KCNN2: variants seen among roughly 807,000 people sequenced by gnomAD.
The protein encoded by KCNN2 is small conductance calcium-activated potassium channel protein 2.
A neutral mutation model predicts 55.5 loss-of-function variants in KCNN2; 24 were observed. The observed-to-expected ratio is 0.43, with a 90% confidence interval of 0.31 to 0.61. The LOEUF (loss-of-function observed/expected upper bound fraction) is 0.61. KCNN2 is among the 20% of genes least tolerant of loss of function. KCNN2 has a pLI of 0.08. For synonymous variants in KCNN2, 431 were observed against 336.1 expected, an observed-to-expected ratio of 1.28 and a Z score of -3.09; for missense variants, 754 against 853.6, an observed-to-expected ratio of 0.88 and a Z score of 1.45.
intron 2 of KCNN2, among the ~76,000 whole-genome samples, chr5:114,396,924 G>A (rs959776354): frequency 2.6e-5 from 4 of 151,972 alleles, no homozygotes; most frequent in Admixed American, 1.3e-4. Context: ...CCTTCTTTGC[G>A]TCCATGTGTA....
intron 1 of KCNN2, among the ~76,000 whole-genome samples, chr5:114,077,777 A>G (rs928583789): frequency 6.6e-6 from 1 of 152,158 alleles, no homozygotes; most frequent in African/African-American, 2.4e-5. Context: ...GTGTTTGAAA[A>G]TTGGAGAACA....
intron 2 of KCNN2, among the ~76,000 whole-genome samples, chr5:114,273,634 G>C (rs919531917): frequency 6.6e-6 from 1 of 152,124 alleles, no homozygotes; most frequent in African/African-American, 2.4e-5. Context: ...ATGTCTGTTG[G>C]CTGCACAGAT....
chr5:114,488,891 T>G (rs902294679), intron 6 of KCNN2: 2 of 152,142 alleles, frequency 1.3e-5, no homozygotes, highest in Non-Finnish European at 2.9e-5. Flanking sequence ...CTTACCTTGG[T>G]GCATGTGAGA....
chr5:114,436,651 C>T (rs1197393698), intron 3 of KCNN2, among the ~76,000 whole-genome samples: 1 of 152,066 alleles, frequency 6.6e-6, no homozygotes, highest in East Asian at 1.9e-4. Context: ...ATAACATTGA[C>T]ATTTAATGAA....
chr5:114,387,533 T>TA (rs70976342), intron 2 of KCNN2, among the ~76,000 whole-genome samples: 49 of 151,726 alleles, frequency 3.2e-4, no homozygotes, highest in Non-Finnish European at 5.6e-4. Flanking sequence ...TAAAAACTGC[T>TA]AAAAAAAAAT....
chr5:114,083,078 A>G (rs1750859942), intron 1 of KCNN2, among the ~76,000 whole-genome samples: 1 of 152,158 alleles, frequency 6.6e-6, no homozygotes, highest in African/African-American at 2.4e-5. Flanking sequence ...TATGTATTTT[A>G]CCACAATATA....
At chr5:114,073,709 C>G (rs1394658662) in intron 1 of KCNN2, among the ~76,000 whole-genome samples, 2 of 152,180 alleles carry the variant, frequency 1.3e-5, no homozygotes, top group Non-Finnish European at 2.9e-5. Context: ...TGGTCCTAAG[C>G]TCAGTTCATT....
intron 2 of KCNN2, among the ~76,000 whole-genome samples, chr5:114,286,151 T>C (rs1056380898): frequency 5.9e-5 from 9 of 152,160 alleles, no homozygotes; most frequent in Non-Finnish European, 1.3e-4. Flanking sequence ...AACGTCCTAG[T>C]CTCCTTCCTA....
At chr5:114,089,084 A>C (rs1038796994) in intron 1 of KCNN2, among the ~76,000 whole-genome samples, 1 of 142,754 alleles carries the variant, frequency 7.0e-6, no homozygotes, top group Admixed American at 7.2e-5. Flanking sequence ...TATTGACTGA[A>C]ATTTCTGTCA....
intron 1 of KCNN2, among the ~76,000 whole-genome samples, chr5:114,221,375 G>A (rs920578336): frequency 6.6e-6 from 1 of 152,142 alleles, no homozygotes; most frequent in Non-Finnish European, 1.5e-5. Context: ...ATTTTTAAAT[G>A]CCAAGGAAAA....
At chr5:114,320,385 G>A (rs556538636) in intron 2 of KCNN2, among the ~76,000 whole-genome samples, 9 of 152,098 alleles carry the variant, frequency 5.9e-5, no homozygotes, top group African/African-American at 1.2e-4. Context: ...AGGCTGAGGC[G>A]GGCGGATCAT....
chr5:114,442,051 T>A (rs1212671189), intron 3 of KCNN2, among the ~76,000 whole-genome samples: 2 of 151,974 alleles, frequency 1.3e-5, no homozygotes, highest in Non-Finnish European at 2.9e-5. Context: ...CAAACACAAA[T>A]TAAAAAGAGA....
At chr5:114,232,765 G>T (rs1754387460) in intron 2 of KCNN2, among the ~76,000 whole-genome samples, 1 of 150,466 alleles carries the variant, frequency 6.6e-6, no homozygotes, top group Admixed American at 6.6e-5. Context: ...GATAATGATG[G>T]CATGGAACAC....
intron 3 of KCNN2, among the ~76,000 whole-genome samples, chr5:114,415,699 A>G (rs779082133): frequency 6.6e-6 from 1 of 152,210 alleles, no homozygotes; most frequent in Non-Finnish European, 1.5e-5. Flanking sequence ...CTTTGGCAAA[A>G]TGGCAATTCA....
intron 5 of KCNN2, among the ~76,000 whole-genome samples, chr5:114,486,345 A>T (rs994399636): frequency 6.6e-6 from 1 of 152,184 alleles, no homozygotes; most frequent in African/African-American, 2.4e-5. Flanking sequence ...GATTTGTTGA[A>T]GACTTTCATC....
intron 1 of KCNN2, among the ~76,000 whole-genome samples, chr5:114,058,623 C>A (rs1319735564): frequency 6.6e-6 from 1 of 152,046 alleles, no homozygotes; most frequent in East Asian, 1.9e-4. Flanking sequence ...AGGGGGAGGG[C>A]TCTACCAGGA....
chr5:114,399,063 A>G (rs1758705073), intron 2 of KCNN2, among the ~76,000 whole-genome samples: 1 of 152,188 alleles, frequency 6.6e-6, no homozygotes, highest in African/African-American at 2.4e-5. Context: ...GCTCTAGCTA[A>G]GACTTCCAGT....
rs201896679 is a variant in KCNN2, at chr5:114,202,583, A to ATTTTT, written c.-270-18896_-270-18895insTTTTT. 6.5e-3 allele frequency among the ~76,000 whole-genome samples: 362 copies of ATTTTT among 55,320 alleles called. 6 individuals carry two copies. Among genetic ancestry groups the ATTTTT allele is most frequent in the African/African-American group, 0.01 (196 of 18,756 alleles). 36.3% of individuals were successfully genotyped at this position (55,320 alleles called of 152,430 possible). On this transcript the variant is annotated intron_variant, in intron 1 of 10. Coordinates refer to the KCNN2 transcript ENST00000512097. ...TATGTGTGTGTATATATATATATAT[A>ATTTTT]TATTTTTTTTTTTTTTTTCCCGAGA... is the stretch of plus-strand genomic sequence containing the variant.
chr5:114,213,042 G>A (rs943693063), intron 1 of KCNN2, among the ~76,000 whole-genome samples: 1 of 151,942 alleles, frequency 6.6e-6, no homozygotes, highest in Admixed American at 6.6e-5. Flanking sequence ...GAAAAGGAGG[G>A]AGAAGAAGAG....
Sources: allele counts gnomAD v4.1 joint callset (sites outside exome capture counted in the v4.1 genomes callset), GRCh38; gene constraint gnomAD v4.1.1; transcripts MANE v1.5; gene names NCBI Gene and HGNC (gene_info 2026-07-23, HGNC 2026-07-21).